The following SCAPER variants were observed in gnomAD, a reference collection of about 807,000 sequenced individuals.
The protein encoded by SCAPER is S-phase cyclin A associated protein in the ER.
SCAPER carries 98 observed loss-of-function variants against 182.2 expected under a neutral mutation model. The ratio of observed to expected loss-of-function variants is 0.54; its 90% CI spans 0.46 to 0.64. The LOEUF (loss-of-function observed/expected upper bound fraction) is 0.64, where lower values mean the gene tolerates loss of function less well. Ranked by LOEUF, SCAPER falls within the 30% of genes least tolerant of loss-of-function variation. The pLI, the probability that SCAPER is intolerant of heterozygous loss-of-function variation, is 0.00. For synonymous variants in SCAPER, 605 were observed against 564.6 expected (o/e 1.07, Z -1.01); for missense variants, 1,432 against 1,690.0 (o/e 0.85, Z 2.68).
chr15:76,877,520 C>T (rs944004354), intron 2 of SCAPER, among the ~76,000 whole-genome samples: 1 of 152,106 alleles, frequency 6.6e-6, no homozygotes, highest in African/African-American at 2.4e-5. Context: ...AGTAGAAAAG[C>T]TTGACACTAC....
intron 20 of SCAPER, among the ~76,000 whole-genome samples, chr15:76,678,082 A>C (rs2057469534): frequency 1.3e-5 from 2 of 152,096 alleles, no homozygotes; most frequent in Non-Finnish European, 2.9e-5. Flanking sequence ...AATAGAATTT[A>C]GAATATTCAA....
At chr15:76,814,642 C>T (rs1300607256) in intron 5 of SCAPER, among the ~76,000 whole-genome samples, 1 of 152,058 alleles carries the variant, frequency 6.6e-6, no homozygotes, top group Non-Finnish European at 1.5e-5. Context: ...AACATGAGAC[C>T]TGAAACTATA....
At chr15:76,785,567 C>A (rs1239244634) in intron 8 of SCAPER, among the ~76,000 whole-genome samples, 5 of 152,184 alleles carry the variant, frequency 3.3e-5, no homozygotes, top group Admixed American at 2.0e-4. Flanking sequence ...ATTATAAAGA[C>A]ATATGCACAC....
chr15:76,624,122 A>G (rs1268319980), intron 21 of SCAPER, among the ~76,000 whole-genome samples: 1 of 152,234 alleles, frequency 6.6e-6, no homozygotes, highest in African/African-American at 2.4e-5. Flanking sequence ...TTCACTGACA[A>G]TATGATTCTA....
chr15:76,577,991 C>G (rs2047978144), intron 22 of SCAPER, among the ~76,000 whole-genome samples: 1 of 152,066 alleles, frequency 6.6e-6, no homozygotes, highest in Non-Finnish European at 1.5e-5. Context: ...ATGGAAGGCC[C>G]AGGCCAGGCA....
chr15:76,887,675 A>C (rs973970017), intron 1 of SCAPER, among the ~76,000 whole-genome samples: 55 of 152,274 alleles, frequency 3.6e-4, no homozygotes, highest in African/African-American at 1.3e-3. Flanking sequence ...GAGCCCCCCA[A>C]CAGCTCAGCA....
intron 20 of SCAPER, among the ~76,000 whole-genome samples, chr15:76,687,638 T>G (rs563750159): frequency 6.6e-6 from 1 of 152,182 alleles, no homozygotes; most frequent in African/African-American, 2.4e-5. Context: ...CCCCTTCTTG[T>G]GTCCAGGTGT....
intron 26 of SCAPER, among the ~76,000 whole-genome samples, chr15:76,425,813 T>G (rs887019870): frequency 1.3e-5 from 2 of 152,244 alleles, no homozygotes; most frequent in African/African-American, 4.8e-5. Flanking sequence ...GTCCTTTGTT[T>G]GTTAGTTTTC....
At chr15:76,407,992 C>A (rs1284700121) in intron 26 of SCAPER, among the ~76,000 whole-genome samples, 5 of 152,064 alleles carry the variant, frequency 3.3e-5, no homozygotes, top group Non-Finnish European at 7.4e-5. Flanking sequence ...AACAAAACCA[C>A]AACATCATTA....
intron 23 of SCAPER, among the ~76,000 whole-genome samples, chr15:76,525,751 A>G (rs1241989466): frequency 1.3e-5 from 2 of 152,118 alleles, no homozygotes; most frequent in African/African-American, 4.8e-5. Flanking sequence ...TCTTTATTCA[A>G]TCCACCATGG....
intron 21 of SCAPER, among the ~76,000 whole-genome samples, chr15:76,626,577 T>G (rs181801892): frequency 2.7e-4 from 41 of 152,128 alleles, no homozygotes; most frequent in Admixed American, 7.2e-4. Flanking sequence ...ATTAGCTGGG[T>G]GTGGTGGCGC....
At chr15:76,870,388 A>G (rs1238616382) in intron 2 of SCAPER, among the ~76,000 whole-genome samples, 1 of 152,068 alleles carries the variant, frequency 6.6e-6, no homozygotes, top group African/African-American at 2.4e-5. Context: ...AAATAAAATA[A>G]ATTACTGGGC....
In SCAPER at chr15:76,827,342, G is replaced by T. The variant is rs145674510; in HGVS notation, c.393+14392C>A. On this transcript the variant is annotated intron_variant, in intron 5 of 31. Transcript: ENST00000563290. ...TCCACTTGGAATCCCATAGCCTGTG[G>T]ACTCGGTCCTGAGGACTCAGCTTTC... 4.0e-3 allele frequency among the ~76,000 whole-genome samples: 600 copies of T among 151,548 alleles called. 5 individuals are homozygous for T. Among genetic ancestry groups the T allele is most frequent in the African/African-American group, 0.012 (510 of 40,898 alleles).
intron 20 of SCAPER, among the ~76,000 whole-genome samples, chr15:76,683,245 G>A (rs1332702487): frequency 6.6e-6 from 1 of 151,966 alleles, no homozygotes; most frequent in Non-Finnish European, 1.5e-5. Context: ...CTCACTTCGA[G>A]AATCTCATAA....
intron 27 of SCAPER, among the ~76,000 whole-genome samples, chr15:76,391,807 C>A (rs1419131204): frequency 1.3e-5 from 2 of 152,164 alleles, no homozygotes; most frequent in East Asian, 3.9e-4. Context: ...ACTCTAGACA[C>A]AAACCATGTA....
At chr15:76,581,008 T>C (rs1355454359) in intron 22 of SCAPER, among the ~76,000 whole-genome samples, 2 of 152,072 alleles carry the variant, frequency 1.3e-5, no homozygotes, top group Non-Finnish European at 2.9e-5. Flanking sequence ...CATTAGAGGC[T>C]ACCATGAGCA....
At chr15:76,453,004 A>C (rs1202657523) in intron 25 of SCAPER, among the ~76,000 whole-genome samples, 1 of 152,142 alleles carries the variant, frequency 6.6e-6, no homozygotes, top group South Asian at 2.1e-4. Flanking sequence ...CTAAATTTTT[A>C]AAAAATGTTT....
At chr15:76,712,268 G>A (rs2059628523) in intron 17 of SCAPER, among the ~76,000 whole-genome samples, 1 of 152,092 alleles carries the variant, frequency 6.6e-6, no homozygotes, top group African/African-American at 2.4e-5. Context: ...CGTTATTTAT[G>A]AGGGCTCTGT....
chr15:76,716,847 T>C (rs1436110724), intron 17 of SCAPER, among the ~76,000 whole-genome samples: 2 of 151,988 alleles, frequency 1.3e-5, no homozygotes, highest in Non-Finnish European at 2.9e-5. Context: ...AGAAAAGGTT[T>C]ATATAAATAA....
Sources: gnomAD v4.1 joint callset for allele counts (sites outside exome capture counted in the v4.1 genomes callset) on GRCh38, gnomAD v4.1.1 for gene constraint, MANE v1.5 for transcripts, NCBI Gene and HGNC (gene_info 2026-07-23, HGNC 2026-07-21) for gene names.